ANTXR1: variants seen among roughly 807,000 people sequenced by gnomAD.
ANTXR1 encodes the protein anthrax toxin receptor 1.
Under a neutral mutation model 78.1 loss-of-function variants are expected in ANTXR1, and 19 were observed. The ratio of observed to expected loss-of-function variants is 0.24; its 90% CI spans 0.17 to 0.36. The LOEUF is 0.36. ANTXR1 is among the 10% of genes least tolerant of loss of function. The probability of loss-of-function intolerance (pLI) is 1.00; values close to 1 mark genes in which losing one functional copy is unlikely to be tolerated. For missense variants in ANTXR1, 518 were observed against 718.6 expected (o/e 0.72, Z 3.19); for synonymous variants, 273 against 260.5 (o/e 1.05, Z -0.46).
In ANTXR1 at chr2:69,036,378, A is replaced by G. The variant is rs78875618; in HGVS notation, c.153-3666A>G. 1.1e-4 allele frequency among the ~76,000 whole-genome samples: 17 copies of G among 152,328 alleles called. No homozygotes were observed. In the East Asian group the frequency reaches 3.3e-3, roughly 29 times the overall value. ...TTTGTGTAACAAACAATCCAATTAT[A>G]CTTTTTAAGTTACACTTAAATGTAC... On this transcript the variant is annotated intron_variant, in intron 1 of 17. Transcript: ENST00000303714.
chr2:69,102,696 C>T (rs1328364990), intron 9 of ANTXR1, 146 bp from the exon 10 acceptor site: 1 of 834,002 alleles, frequency 1.2e-6, no homozygotes, highest in African/African-American at 1.7e-5. Flanking sequence ...AAGGAACCCA[C>T]CTGGTTGCTT....
chr2:69,208,050 T>C (rs1200054339), intron 17 of ANTXR1, among the ~76,000 whole-genome samples: 1 of 152,098 alleles, frequency 6.6e-6, no homozygotes, highest in Non-Finnish European at 1.5e-5. Context: ...ATATGTAAAA[T>C]AGATAAAGGG....
intron 1 of ANTXR1, among the ~76,000 whole-genome samples, chr2:69,028,439 A>C (rs748812504): frequency 6.6e-6 from 1 of 152,200 alleles, no homozygotes; most frequent in Non-Finnish European, 1.5e-5. Flanking sequence ...TTTGATGAAG[A>C]AATTCTGATG....
intron 12 of ANTXR1, among the ~76,000 whole-genome samples, chr2:69,147,443 C>T (rs1446811964): frequency 6.6e-6 from 1 of 152,192 alleles, no homozygotes; most frequent in East Asian, 1.9e-4. Context: ...AAGACAGCCT[C>T]TGCCATGGTC....
chr2:69,179,516 C>G (rs1674220876), intron 14 of ANTXR1, among the ~76,000 whole-genome samples: 1 of 128,756 alleles, frequency 7.8e-6, no homozygotes, highest in African/African-American at 3.4e-5. Flanking sequence ...AGAGTGAGAC[C>G]CTGTCTCCAA....
chr2:69,079,150 G>A lies in ANTXR1; in HGVS notation c.642+1662G>A, dbSNP rs575645289. Among the ~76,000 whole-genome samples, 9 of 152,298 alleles carry A rather than the reference G, an allele frequency of 5.9e-5. No homozygotes were observed. In the South Asian group the frequency reaches 1.9e-3, roughly 32 times the overall value. On this transcript the variant is annotated intron_variant, in intron 8 of 17. Coordinates refer to ENST00000303714, the MANE Select transcript of ANTXR1 (RefSeq NM_032208.3). ...CTCCTCAAGCTACCTTAACCAGAAA[G>A]TGGAAATTATTGATAGCATAGAGAA...
chr2:69,145,649 G>A (rs1673203129), intron 12 of ANTXR1: 3 of 1,212,868 alleles, frequency 2.5e-6, no homozygotes, highest in Non-Finnish European at 3.1e-6. Flanking sequence ...CAGAATCCTG[G>A]TGCAGACCCA....
intron 11 of ANTXR1, 72 bp downstream of exon 11, chr2:69,123,158 AG>A (rs1672408975): frequency 4.0e-6 from 6 of 1,501,716 alleles, no homozygotes; most frequent in Admixed American, 1.7e-5. Context: ...ACAGGGGAAA[AG>A]AAAGCATCTA....
rs4527236 is a variant in ANTXR1, at chr2:69,040,196, A to G, written c.224+81A>G. ...GTCCATGTTTGCTATTCTATTAATT[A>G]CTACATACTTTGGGGATGTTTTTTG... On this transcript the variant is annotated intron_variant, in intron 2 of 17. Transcript: ENST00000303714. 0.052 allele frequency: 65,788 copies of G among 1,253,810 alleles called. 2,047 individuals are homozygous for G. Among genetic ancestry groups the G allele is most frequent in the Non-Finnish European group, 0.062 (53,776 of 863,750 alleles). 77.7% of individuals were successfully genotyped at this position (1,253,810 alleles called of 1,614,324 possible).
chr2:69,207,068 T>C (rs1558645884), intron 17 of ANTXR1, among the ~76,000 whole-genome samples: 1 of 152,192 alleles, frequency 6.6e-6, no homozygotes, highest in Non-Finnish European at 1.5e-5. Context: ...AATGCTGTAA[T>C]GAATGTTCTG....
intron 3 of ANTXR1, among the ~76,000 whole-genome samples, chr2:69,051,021 C>G (rs1318435766): frequency 1.3e-5 from 2 of 152,100 alleles, no homozygotes; most frequent in African/African-American, 4.8e-5. Context: ...TGTGGTGACT[C>G]ACACCTATAA....
At chr2:69,078,102 A>G (rs1044111417) in intron 8 of ANTXR1, among the ~76,000 whole-genome samples, 8 of 152,180 alleles carry the variant, frequency 5.3e-5, no homozygotes, top group African/African-American at 1.9e-4. Context: ...CTTCACACAT[A>G]GGTGATTTTC....
intron 12 of ANTXR1, among the ~76,000 whole-genome samples, chr2:69,138,058 G>A (rs1462918838): frequency 9.9e-5 from 14 of 141,894 alleles, no homozygotes; most frequent in Admixed American, 2.2e-4. Flanking sequence ...CACTCCAGCC[G>A]AGGCGACAAC....
chr2:69,202,411 G>A (rs1199782383), intron 17 of ANTXR1, among the ~76,000 whole-genome samples: 1 of 152,178 alleles, frequency 6.6e-6, no homozygotes, highest in Non-Finnish European at 1.5e-5. Flanking sequence ...TCTGTGGGAT[G>A]ATGGGGTTGG....
intron 17 of ANTXR1, among the ~76,000 whole-genome samples, chr2:69,199,580 A>G (rs1173236579): frequency 1.3e-5 from 2 of 152,242 alleles, no homozygotes; most frequent in African/African-American, 2.4e-5. Flanking sequence ...ACATAAGGGA[A>G]TTCAGAGATC....
chr2:69,093,529 T>A (rs969558163), intron 9 of ANTXR1, among the ~76,000 whole-genome samples: 3 of 152,100 alleles, frequency 2.0e-5, no homozygotes, highest in Non-Finnish European at 4.4e-5. Context: ...CAGGATCTGA[T>A]CATATCAAAT....
At chr2:69,227,738 G>A (rs1237325491) in intron 17 of ANTXR1, among the ~76,000 whole-genome samples, 1 of 152,208 alleles carries the variant, frequency 6.6e-6, no homozygotes, top group East Asian at 1.9e-4. Context: ...GTCCAAGAAT[G>A]AAAAGGGTTA....
At chr2:69,216,932 T>C (rs946580195) in intron 17 of ANTXR1, among the ~76,000 whole-genome samples, 9 of 152,220 alleles carry the variant, frequency 5.9e-5, no homozygotes, top group African/African-American at 1.9e-4. Context: ...TTCAACCTTC[T>C]CTGAGCCATC....
chr2:69,190,243 T>C (rs1674517147), intron 16 of ANTXR1, among the ~76,000 whole-genome samples: 1 of 152,200 alleles, frequency 6.6e-6, no homozygotes, highest in Non-Finnish European at 1.5e-5. Context: ...AAAATGAGTG[T>C]CAAGGCATTT....
Sources: gnomAD v4.1 joint callset for allele counts (sites outside exome capture counted in the v4.1 genomes callset) on GRCh38, gnomAD v4.1.1 for gene constraint, MANE v1.5 for transcripts, NCBI Gene and HGNC (gene_info 2026-07-23, HGNC 2026-07-21) for gene names.